BCAS3: variants seen among roughly 807,000 people sequenced by gnomAD.
BCAS3 encodes BCAS4/BCAS3 fusion.
Under a neutral mutation model 116.1 loss-of-function variants are expected in BCAS3, and 53 were observed. That is an observed-to-expected ratio of 0.46 (90% confidence interval 0.37 to 0.57). BCAS3 has a LOEUF of 0.57. BCAS3 is among the 20% of genes least tolerant of loss of function. The pLI is 0.00. For missense variants in BCAS3, 917 were observed against 1,165.4 expected, an observed-to-expected ratio of 0.79 and a Z score of 3.10; for synonymous variants, 391 against 408.2, an observed-to-expected ratio of 0.96 and a Z score of 0.51.
chr17:61,309,445 C>T lies in BCAS3; in HGVS notation c.2426-58882C>T, dbSNP rs75177569. Among the ~76,000 whole-genome samples, 2 of 152,032 alleles carry T rather than the reference C, an allele frequency of 1.3e-5. No homozygotes were observed. The highest frequency in any genetic ancestry group is 2.9e-5 in the Non-Finnish European group (2 of 68,018). Reference sequence around the variant, plus strand: ...TGTAGAAGAGGAAGCAGGAAGCCACCGACAGGGGCATAACTGTGGACCTAA... The same window carrying T: ...TGTAGAAGAGGAAGCAGGAAGCCACTGACAGGGGCATAACTGTGGACCTAA... On this transcript the variant is annotated intron_variant, in intron 22 of 23. Transcript: ENST00000407086. The surrounding 1 kb of genome is among the most constrained non-coding windows in gnomAD (Gnocchi z 4.6).
chr17:61,114,072 A>ATT (rs1230428433), intron 22 of BCAS3, among the ~76,000 whole-genome samples: 1 of 151,662 alleles, frequency 6.6e-6, no homozygotes, highest in African/African-American at 2.4e-5. Context: ...GAAATTAGGT[A>ATT]TTGATGGGAT....
chr17:60,971,324 T>TC (rs1346613151), intron 14 of BCAS3, among the ~76,000 whole-genome samples: 3 of 152,142 alleles, frequency 2.0e-5, no homozygotes, highest in African/African-American at 7.2e-5. Context: ...AACTTTTTCT[T>TC]TAAAGGACCA....
At chr17:60,866,461 G>A (rs1253683054) in intron 7 of BCAS3, among the ~76,000 whole-genome samples, 1 of 151,952 alleles carries the variant, frequency 6.6e-6, no homozygotes, top group African/African-American at 2.4e-5. Flanking sequence ...AGTTTTGGGT[G>A]TATATTTATG....
rs912881440 is a variant in BCAS3 at position 61,381,788 on chromosome 17, G to C, written c.2594-10189G>C. 1.3e-5 allele frequency among the ~76,000 whole-genome samples: 2 copies of C among 152,146 alleles called. No homozygotes were observed. The highest frequency in any genetic ancestry group is 4.8e-5 in the African/African-American group (2 of 41,430). On this transcript the variant is annotated intron_variant, in intron 23 of 23. Transcript: ENST00000407086. This position sits in a 1 kb window ranked among gnomAD's most constrained non-coding sequence, Gnocchi z 6.0. ...GCCATGTGTGCCTGTATGTGGTTCT[G>C]GTTCTCTGGTAGGGTTGCTGTGAGC...
In BCAS3 at chr17:61,034,385, G is replaced by C. The variant is rs1274416735; in HGVS notation, c.1638-281G>C. On this transcript the variant is annotated intron_variant, in intron 16 of 23. Coordinates refer to ENST00000407086, the MANE Select transcript of BCAS3 (RefSeq NM_017679.5). The surrounding 1 kb of genome is among the most constrained non-coding windows in gnomAD (Gnocchi z 5.0). ...ATTTCTAGGGAAATGTTACTCATCT[G>C]AAAAGAGGTGACTTGGATTTTGCCA... 6.6e-6 allele frequency among the ~76,000 whole-genome samples: 1 copy of C among 152,164 alleles called. No individual in the cohort carries two copies. The highest frequency in any genetic ancestry group is 1.5e-5 in the Non-Finnish European group (1 of 68,022).
chr17:60,855,361 G>A (rs527280402), intron 7 of BCAS3, among the ~76,000 whole-genome samples: 1 of 151,860 alleles, frequency 6.6e-6, no homozygotes, highest in Admixed American at 6.5e-5. Context: ...CTGTTGTCCA[G>A]GCGACTGTTC....
Position 61,233,737 on chromosome 17 carries a change from C to T in BCAS3, c.2426-134590C>T, listed in dbSNP as rs1272290798. Among the ~76,000 whole-genome samples the T allele has an allele frequency of 6.6e-6, 1 of 152,222 alleles. No individual in the cohort carries two copies. Among genetic ancestry groups the T allele is most frequent in the East Asian group, 1.9e-4 (1 of 5,196 alleles). Reference sequence around the variant, plus strand: ...TCGTCAAACCTCCCTTCTCAATTCACCTTCCTAAGCACAGAACTCTTTTTC... The same window carrying T: ...TCGTCAAACCTCCCTTCTCAATTCATCTTCCTAAGCACAGAACTCTTTTTC... On this transcript the variant is annotated intron_variant, in intron 22 of 23. Transcript: ENST00000407086. The surrounding 1 kb of genome is among the most constrained non-coding windows in gnomAD (Gnocchi z 4.3).
In BCAS3 at chr17:61,119,067, T is replaced by G. The variant is rs533766471; in HGVS notation, c.2425+34503T>G. 1.6e-4 allele frequency among the ~76,000 whole-genome samples: 24 copies of G among 152,332 alleles called. No individual in the cohort carries two copies. In the South Asian group the frequency reaches 5.0e-3, roughly 32 times the overall value. On this transcript the variant is annotated intron_variant, in intron 22 of 23. Coordinates refer to ENST00000407086, the MANE Select transcript of BCAS3 (RefSeq NM_017679.5). ...CTAAGCAAGGCTGACAGTTAAGTGA[T>G]GCGGAAGCCATTATCTCACCTTTGT...
intron 23 of BCAS3, among the ~76,000 whole-genome samples, chr17:61,375,273 T>C (rs1367016074): frequency 7.0e-6 from 1 of 143,234 alleles, no homozygotes; most frequent in Non-Finnish European, 1.5e-5. Context: ...AAGTCTTTCA[T>C]TTTAAGACTG....
intron 13 of BCAS3, among the ~76,000 whole-genome samples, chr17:60,929,949 T>A (rs1279757415): frequency 6.6e-6 from 1 of 152,104 alleles, no homozygotes; most frequent in Non-Finnish European, 1.5e-5. Flanking sequence ...TGTGCCACAT[T>A]TTCTTAATCC....
At chr17:60,733,230 A>G (rs187448594) in intron 5 of BCAS3, among the ~76,000 whole-genome samples, 1 of 152,364 alleles carries the variant, frequency 6.6e-6, no homozygotes, top group East Asian at 1.9e-4. Context: ...TAATAAGCAT[A>G]GTCCATTTTC....
intron 22 of BCAS3, among the ~76,000 whole-genome samples, chr17:61,109,692 G>C (rs1177022409): frequency 6.6e-6 from 1 of 152,132 alleles, no homozygotes; most frequent in African/African-American, 2.4e-5. Flanking sequence ...TTTCCATAGT[G>C]ATGTTGAGCA....
rs1052797619 is a variant in BCAS3 at position 61,362,246 on chromosome 17, C to G, written c.2426-6081C>G. Among the ~76,000 whole-genome samples, 2 of 152,244 alleles carry G rather than the reference C, an allele frequency of 1.3e-5. No homozygotes were observed. The highest frequency in any genetic ancestry group is 2.9e-5 in the Non-Finnish European group (2 of 68,050). On this transcript the variant is annotated intron_variant, in intron 22 of 23. Transcript: ENST00000407086. The surrounding 1 kb of genome is among the most constrained non-coding windows in gnomAD (Gnocchi z 4.4). ...TCCCCTCTACACTGGTTCCCCTCATCATGCCTGGGATCATTTCTTAGTTAT... is the reference window on the plus strand; with the variant it reads ...TCCCCTCTACACTGGTTCCCCTCATGATGCCTGGGATCATTTCTTAGTTAT...
intron 6 of BCAS3, among the ~76,000 whole-genome samples, chr17:60,805,562 T>TTA (rs2048195188): frequency 6.6e-6 from 1 of 152,148 alleles, no homozygotes; most frequent in East Asian, 1.9e-4. Flanking sequence ...GCGCGGTGGC[T>TTA]CACGCCTGTA....
chr17:61,047,343 G>A (rs1355768619), intron 19 of BCAS3, among the ~76,000 whole-genome samples: 2 of 151,838 alleles, frequency 1.3e-5, no homozygotes, highest in Non-Finnish European at 2.9e-5. Context: ...TATGAAATTG[G>A]CATTTTTAAT....
At chr17:60,969,991 A>G (rs889581540) in intron 14 of BCAS3, among the ~76,000 whole-genome samples, 4 of 152,232 alleles carry the variant, frequency 2.6e-5, no homozygotes, top group African/African-American at 9.6e-5. Flanking sequence ...ACTGTAAATT[A>G]TGCTAATGGC....
chr17:60,878,149 A>G (rs2055790266), intron 9 of BCAS3, among the ~76,000 whole-genome samples: 1 of 151,802 alleles, frequency 6.6e-6, no homozygotes. Flanking sequence ...AGCTGGGACT[A>G]CAGGCAGGCA....
chr17:60,945,379 A>G (rs1044004516), intron 13 of BCAS3, among the ~76,000 whole-genome samples: 2 of 152,210 alleles, frequency 1.3e-5, no homozygotes, highest in African/African-American at 4.8e-5. Context: ...GGCTAAAATA[A>G]TGTTGAAAAA....
At chr17:61,076,389 A>T (rs889792520) in intron 20 of BCAS3, among the ~76,000 whole-genome samples, 1 of 152,234 alleles carries the variant, frequency 6.6e-6, no homozygotes, top group South Asian at 2.1e-4. Flanking sequence ...AGCAGTGTCT[A>T]GGTAACATGT....
Sources: allele counts gnomAD v4.1 joint callset (sites outside exome capture counted in the v4.1 genomes callset), GRCh38; gene constraint gnomAD v4.1.1; non-coding constraint Gnocchi (gnomAD v3.1); transcripts MANE v1.5; gene names NCBI Gene and HGNC (gene_info 2026-07-23, HGNC 2026-07-21).